The following LRMDA variants were observed in gnomAD, a reference collection of about 807,000 sequenced individuals.
The protein encoded by LRMDA is leucine-rich melanocyte differentiation-associated protein.
Under a neutral mutation model 29.8 loss-of-function variants are expected in LRMDA, and 18 were observed. The ratio of observed to expected loss-of-function variants is 0.60; its 90% CI spans 0.42 to 0.90. The LOEUF (loss-of-function observed/expected upper bound fraction) is 0.90. Among genes scored for constraint, LRMDA ranks in the 40% least tolerant of loss-of-function variants. The probability of loss-of-function intolerance (pLI) is 0.00; values close to 1 mark genes in which losing one functional copy is unlikely to be tolerated. For synonymous variants in LRMDA, 125 were observed against 109.4 expected, an observed-to-expected ratio of 1.14 and a Z score of -0.89; for missense variants, 273 against 273.9, an observed-to-expected ratio of 1.00 and a Z score of 0.02.
At chr10:75,864,883 A>G (rs1025993480) in intron 2 of LRMDA, among the ~76,000 whole-genome samples, 1 of 152,214 alleles carries the variant, frequency 6.6e-6, no homozygotes, top group Admixed American at 6.5e-5. Flanking sequence ...GCTTGCCATT[A>G]TATCATACCT....
chr10:75,566,972 C>CT (rs1225045187), intron 2 of LRMDA, among the ~76,000 whole-genome samples: 1 of 152,214 alleles, frequency 6.6e-6, no homozygotes, highest in Non-Finnish European at 1.5e-5. Context: ...CCCTTGCTTC[C>CT]TTCCCTACCT....
intron 2 of LRMDA, among the ~76,000 whole-genome samples, chr10:75,892,216 T>C (rs760286481): frequency 1.1e-4 from 16 of 152,234 alleles, no homozygotes; most frequent in Non-Finnish European, 5.9e-5. Flanking sequence ...ATTCATCAAT[T>C]GCAGCAAAAG....
rs189298152 is a variant in LRMDA at position 75,945,701 on chromosome 10, G to A, written c.132-90307G>A. ...ATCTTCTCATTGTTTAAGAGAAGAC[G>A]GAAATATATAGATTTTTCTGTGAAA... is the stretch of plus-strand genomic sequence containing the variant. On this transcript the variant is annotated intron_variant, in intron 2 of 6. Transcript: ENST00000611255. 2.7e-3 allele frequency among the ~76,000 whole-genome samples: 404 copies of A among 152,206 alleles called. 2 individuals carry two copies. The highest frequency in any genetic ancestry group is 9.1e-3 in the African/African-American group (376 of 41,522).
Position 76,478,624 on chromosome 10 carries a change from A to G in LRMDA, c.602-78585A>G, listed in dbSNP as rs571275393. On this transcript the variant is annotated intron_variant, in intron 6 of 6. Transcript: ENST00000611255. ...TATGTTTATTACAGCACTATTCACA[A>G]TAGCAAAGACTTGGAAGCAACCCAA... Among the ~76,000 whole-genome samples the G allele has an allele frequency of 3.9e-5, 6 of 152,260 alleles. No individual in the cohort carries two copies. The South Asian group carries it at 1.2e-3, about 32-fold the overall frequency.
intron 2 of LRMDA, among the ~76,000 whole-genome samples, chr10:75,496,922 G>T (rs1394976770): frequency 1.3e-5 from 2 of 151,736 alleles, no homozygotes; most frequent in Non-Finnish European, 2.9e-5. Context: ...GTGTATATAT[G>T]ACCTGTGGAC....
chr10:75,751,375 G>A (rs1009634561), intron 2 of LRMDA, among the ~76,000 whole-genome samples: 15 of 152,000 alleles, frequency 9.9e-5, no homozygotes, highest in Non-Finnish European at 1.5e-4. Flanking sequence ...GGGGGAGTGG[G>A]AGAGGGAGGG....
rs138438882 is a variant in LRMDA at position 76,024,496 on chromosome 10, A to G, written c.132-11512A>G. Among the ~76,000 whole-genome samples the G allele has an allele frequency of 1.1e-4, 16 of 152,334 alleles. No homozygotes were observed. The Middle Eastern group carries it at 0.014, about 130-fold the overall frequency. On this transcript the variant is annotated intron_variant, in intron 2 of 6. Transcript: ENST00000611255. ...GCAAGCCACTTTTGGAGGTCACCATATCTCCTGGGGCCTTCTTTCCTGCTG... is the reference window on the plus strand; with the variant it reads ...GCAAGCCACTTTTGGAGGTCACCATGTCTCCTGGGGCCTTCTTTCCTGCTG...
intron 5 of LRMDA, among the ~76,000 whole-genome samples, chr10:76,147,096 T>A (rs1222734666): frequency 1.3e-5 from 2 of 152,190 alleles, no homozygotes; most frequent in Admixed American, 1.3e-4. Context: ...AACCCGACCT[T>A]TCTCTCTGGC....
At chr10:76,167,684 T>G (rs1388345880) in intron 5 of LRMDA, among the ~76,000 whole-genome samples, 1 of 152,176 alleles carries the variant, frequency 6.6e-6, no homozygotes, top group African/African-American at 2.4e-5. Flanking sequence ...AGTTGGGTAG[T>G]ATGATGCCTC....
At chr10:76,190,334 C>T (rs1851222701) in intron 5 of LRMDA, among the ~76,000 whole-genome samples, 1 of 152,058 alleles carries the variant, frequency 6.6e-6, no homozygotes, top group Non-Finnish European at 1.5e-5. Flanking sequence ...GCAAAATTGG[C>T]AACAGAATCC....
At chr10:75,750,218 C>A (rs900625008) in intron 2 of LRMDA, among the ~76,000 whole-genome samples, 2 of 146,278 alleles carry the variant, frequency 1.4e-5, no homozygotes, top group Non-Finnish European at 3.0e-5. Flanking sequence ...GCAGAGGCGC[C>A]CCCCACCTCC....
At chr10:76,524,932 A>G (rs1398663004) in intron 6 of LRMDA, among the ~76,000 whole-genome samples, 2 of 152,218 alleles carry the variant, frequency 1.3e-5, no homozygotes, top group African/African-American at 4.8e-5. Context: ...GGGTCTTAGA[A>G]AATAACACAC....
Position 76,304,727 on chromosome 10 carries a change from G to A in LRMDA, c.517-19674G>A, listed in dbSNP as rs1003276663. ...GAAGATACTATGGGCCACCCAGGTG[G>A]AGTAGGGCGCTGCCCTCAAGGAGCA... On this transcript the variant is annotated intron_variant, in intron 5 of 6. Coordinates refer to ENST00000611255, the MANE Select transcript of LRMDA (RefSeq NM_001305581.2). Among the ~76,000 whole-genome samples, 7 of 152,310 alleles carry A rather than the reference G, an allele frequency of 4.6e-5. No individual in the cohort carries two copies. The South Asian group carries it at 1.5e-3, about 32-fold the overall frequency.
At chr10:75,832,814 G>A (rs1393413314) in intron 2 of LRMDA, among the ~76,000 whole-genome samples, 1 of 152,190 alleles carries the variant, frequency 6.6e-6, no homozygotes, top group Non-Finnish European at 1.5e-5. Flanking sequence ...AGAAACTTCT[G>A]TTTTTAAAAC....
chr10:76,456,298 T>C (rs1014617187), intron 6 of LRMDA, among the ~76,000 whole-genome samples: 7 of 152,164 alleles, frequency 4.6e-5, no homozygotes, highest in African/African-American at 1.7e-4. Context: ...CCCAGCAAAA[T>C]GTTCCACTCT....
intron 6 of LRMDA, among the ~76,000 whole-genome samples, chr10:76,371,157 T>G (rs1229841070): frequency 6.6e-6 from 1 of 152,170 alleles, no homozygotes; most frequent in Non-Finnish European, 1.5e-5. Context: ...ATAAGTCAAG[T>G]CAGATTTGAT....
intron 2 of LRMDA, among the ~76,000 whole-genome samples, chr10:75,976,215 C>T (rs1847067254): frequency 6.6e-6 from 1 of 152,266 alleles, no homozygotes; most frequent in Non-Finnish European, 1.5e-5. Context: ...GCCCCTTGGC[C>T]TTGTGTGGTC....
At chr10:75,772,375 T>G (rs759802875) in intron 2 of LRMDA, among the ~76,000 whole-genome samples, 9 of 152,206 alleles carry the variant, frequency 5.9e-5, no homozygotes, top group Non-Finnish European at 1.0e-4. Flanking sequence ...ATCAATGGTT[T>G]TGGGTGTAAT....
chr10:75,897,003 G>A (rs1313541715), intron 2 of LRMDA, among the ~76,000 whole-genome samples: 1 of 152,128 alleles, frequency 6.6e-6, no homozygotes, highest in Non-Finnish European at 1.5e-5. Context: ...AAGTAATTTT[G>A]TGTCAGGCTT....
Sources: gnomAD v4.1 joint callset for allele counts (sites outside exome capture counted in the v4.1 genomes callset) on GRCh38, gnomAD v4.1.1 for gene constraint, MANE v1.5 for transcripts, NCBI Gene and HGNC (gene_info 2026-07-23, HGNC 2026-07-21) for gene names.